FGF12: variants seen among roughly 807,000 people sequenced by gnomAD.
FGF12 encodes fibroblast growth factor 12, also known as fibroblast growth factor 12B.
Under a neutral mutation model 23.6 loss-of-function variants are expected in FGF12, and 14 were observed. The ratio of observed to expected loss-of-function variants is 0.59; its 90% CI spans 0.39 to 0.93. The LOEUF is 0.93. FGF12 is among the 40% of genes least tolerant of loss of function. The probability of loss-of-function intolerance (pLI) is 0.00; values close to 1 mark genes in which losing one functional copy is unlikely to be tolerated. For synonymous variants in FGF12, 62 were observed against 77.3 expected (o/e 0.80, Z 1.04); for missense variants, 175 against 217.8 (o/e 0.80, Z 1.24).
chr3:192,708,098 T>G (rs1718538245), intron 2 of FGF12, among the ~76,000 whole-genome samples: 1 of 152,154 alleles, frequency 6.6e-6, no homozygotes, highest in South Asian at 2.1e-4. Flanking sequence ...TAGCTGGGAC[T>G]ACAGGCGCCT....
At chr3:192,283,895 T>C (rs1355975381) in intron 4 of FGF12, among the ~76,000 whole-genome samples, 3 of 152,066 alleles carry the variant, frequency 2.0e-5, no homozygotes, top group African/African-American at 7.2e-5. Flanking sequence ...TCAATCTCAG[T>C]GCACACATAA....
At chr3:192,509,667 T>C (rs1471242592) in intron 2 of FGF12, among the ~76,000 whole-genome samples, 1 of 152,196 alleles carries the variant, frequency 6.6e-6, no homozygotes, top group Non-Finnish European at 1.5e-5. Flanking sequence ...CGATATCATT[T>C]AAGGAATAAT....
intron 2 of FGF12, among the ~76,000 whole-genome samples, chr3:192,496,855 C>G (rs1191189967): frequency 6.6e-6 from 1 of 152,194 alleles, no homozygotes; most frequent in African/African-American, 2.4e-5. Flanking sequence ...CTCTACTTCT[C>G]AAGCTACTCC....
intron 2 of FGF12, among the ~76,000 whole-genome samples, chr3:192,470,262 G>T (rs188274510): frequency 7.2e-5 from 11 of 152,224 alleles, no homozygotes; most frequent in Admixed American, 7.2e-4. Context: ...AAAAAATTCA[G>T]CACTGAAGAT....
At chr3:192,554,218 C>G (rs907803321) in intron 2 of FGF12, among the ~76,000 whole-genome samples, 6 of 152,170 alleles carry the variant, frequency 3.9e-5, no homozygotes, top group African/African-American at 1.4e-4. Flanking sequence ...ATTTGGTGGT[C>G]TCTCCTTTGT....
At chr3:192,297,410 G>C (rs954850661) in intron 4 of FGF12, among the ~76,000 whole-genome samples, 12 of 151,796 alleles carry the variant, frequency 7.9e-5, no homozygotes, top group Non-Finnish European at 1.5e-4. Context: ...TGATTGGCAT[G>C]ACAGAGTATG....
At chr3:192,678,808 G>C (rs73887671) in intron 2 of FGF12, among the ~76,000 whole-genome samples, 21,691 of 152,082 alleles carry the variant, frequency 0.14, 1,761 homozygotes, top group African/African-American at 0.23. Context: ...CTTATCTTTC[G>C]TAAGGTCCAT....
Position 192,141,880 on chromosome 3 carries a change from CT to C in FGF12, c.*2128del, listed in dbSNP as rs984629236. The C allele has an allele frequency of 2.0e-5, 3 of 148,900 alleles. No homozygotes were observed. The highest frequency in any genetic ancestry group is 4.5e-5 in the Non-Finnish European group (3 of 66,976). The allele number at this position is 148,900 out of a possible 1,614,324, so 9.2% of individuals were successfully genotyped here. A position where few individuals can be genotyped will look rare whatever the true frequency, so the allele number is the denominator to read the frequency against. ...CCAGTGTCCCATAGTGTTGAAGTTT[CT>C]TTTTTATTTTTTTCAAATAAAATAA... On this transcript the variant is annotated 3_prime_UTR_variant, in exon 6 of 6. Coordinates refer to ENST00000445105, the MANE Select transcript of FGF12 (RefSeq NM_004113.6).
chr3:192,386,805 G>A (rs1474942185), intron 2 of FGF12, among the ~76,000 whole-genome samples: 3 of 152,072 alleles, frequency 2.0e-5, no homozygotes, highest in Non-Finnish European at 2.9e-5. Flanking sequence ...GGTAACCTCT[G>A]GTAATATAAA....
intron 2 of FGF12, among the ~76,000 whole-genome samples, chr3:192,665,461 G>T (rs1343633475): frequency 6.6e-6 from 1 of 152,090 alleles, no homozygotes; most frequent in Non-Finnish European, 1.5e-5. Flanking sequence ...TCCTTTGCAG[G>T]GACATGGATG....
intron 4 of FGF12, among the ~76,000 whole-genome samples, chr3:192,306,006 G>T (rs540926980): frequency 1.3e-5 from 2 of 151,620 alleles, no homozygotes; most frequent in South Asian, 2.1e-4. Context: ...GACTACAGGC[G>T]CCTGCCAACA....
At chr3:192,663,947 A>G (rs2108686503) in intron 2 of FGF12, among the ~76,000 whole-genome samples, 1 of 152,328 alleles carries the variant, frequency 6.6e-6, no homozygotes, top group South Asian at 2.1e-4. Context: ...CAGGCAGGTA[A>G]TAGTATCCCC....
chr3:192,670,855 G>C lies in FGF12; in HGVS notation c.13+56326C>G, dbSNP rs115872316. Among the ~76,000 whole-genome samples, 903 of 152,304 alleles carry C rather than the reference G, an allele frequency of 5.9e-3. 4 individuals carry two copies. Among genetic ancestry groups the C allele is most frequent in the Non-Finnish European group, 8.1e-3 (549 of 68,030 alleles). On this transcript the variant is annotated intron_variant, in intron 2 of 5. Transcript: ENST00000445105. ...GAATCTCCTCGAGACTCAAGGAAAG[G>C]CTTCATGAAGGGGACAGAAATTGAA...
intron 4 of FGF12, among the ~76,000 whole-genome samples, chr3:192,199,940 A>AT (rs1368543028): frequency 2.6e-5 from 4 of 152,122 alleles, no homozygotes; most frequent in Non-Finnish European, 5.9e-5. Context: ...TTGCTCAGGG[A>AT]TTTTCAAGTC....
intron 2 of FGF12, among the ~76,000 whole-genome samples, chr3:192,543,143 C>T (rs1005650252): frequency 2.9e-4 from 16 of 55,150 alleles, no homozygotes; most frequent in African/African-American, 9.5e-4. Flanking sequence ...TTTCAGAAGC[C>T]AGTCCCTTAA....
At chr3:192,625,689 T>C (rs116790030) in intron 2 of FGF12, among the ~76,000 whole-genome samples, 3,230 of 152,216 alleles carry the variant, frequency 0.021, 113 homozygotes, top group African/African-American at 0.074. Flanking sequence ...AGTCATATTT[T>C]TTCAAGTACT....
intron 2 of FGF12, among the ~76,000 whole-genome samples, chr3:192,695,975 A>T (rs1410582157): frequency 6.6e-6 from 1 of 152,050 alleles, no homozygotes; most frequent in African/African-American, 2.4e-5. Flanking sequence ...GGCATGCACC[A>T]GTAATCCCAG....
At chr3:192,666,015 C>T (rs897626778) in intron 2 of FGF12, among the ~76,000 whole-genome samples, 1 of 152,006 alleles carries the variant, frequency 6.6e-6, no homozygotes, top group African/African-American at 2.4e-5. Context: ...ATCCTTAGTA[C>T]TTATGCAGTT....
intron 2 of FGF12, among the ~76,000 whole-genome samples, chr3:192,645,505 G>A (rs1715969287): frequency 6.6e-6 from 1 of 152,068 alleles, no homozygotes; most frequent in Non-Finnish European, 1.5e-5. Context: ...TAGAAGCAAA[G>A]TTGGTGAAGA....
Sources: allele counts gnomAD v4.1 joint callset (sites outside exome capture counted in the v4.1 genomes callset), GRCh38; gene constraint gnomAD v4.1.1; transcripts MANE v1.5; gene names NCBI Gene and HGNC (gene_info 2026-07-23, HGNC 2026-07-21).